Variants in WDR41 observed in about 807,000 individuals in gnomAD.
WDR41 encodes the protein WD repeat domain 41, also known as WD repeat-containing protein 41.
WDR41 carries 63 observed loss-of-function variants against 69.3 expected under a neutral mutation model. The ratio of observed to expected loss-of-function variants is 0.91; its 90% confidence interval spans 0.74 to 1.12. The LOEUF (loss-of-function observed/expected upper bound fraction) is 1.12, where lower values mean the gene tolerates loss of function less well. Among genes scored for constraint, WDR41 ranks in the 50% most tolerant of loss-of-function variants. WDR41 has a pLI of 0.00. For synonymous variants in WDR41, 185 were observed against 192.1 expected (o/e 0.96, Z 0.31); for missense variants, 543 against 534.5 (o/e 1.02, Z -0.16).
At chr5:77,473,073 T>C (rs1166879509) in intron 2 of WDR41, among the ~76,000 whole-genome samples, 1 of 151,862 alleles carries the variant, frequency 6.6e-6, no homozygotes, top group East Asian at 2.0e-4. Flanking sequence ...CAAAACAGCA[T>C]GATACTGGTA....
intron 6 of WDR41, chr5:77,451,797 AG>A (rs1799637891): frequency 6.4e-6 from 1 of 155,484 alleles, no homozygotes; most frequent in Non-Finnish European, 1.4e-5. Context: ...TCAGCAGCTA[AG>A]AAAGCAGCCT....
intron 1 of WDR41, among the ~76,000 whole-genome samples, chr5:77,565,307 G>A (rs920092143): frequency 3.3e-5 from 5 of 152,132 alleles, no homozygotes; most frequent in African/African-American, 1.2e-4. Flanking sequence ...TTCTAATGGT[G>A]TCCTACTGCC....
chr5:77,510,244 A>G (rs929302387), intron 1 of WDR41, among the ~76,000 whole-genome samples: 14 of 152,188 alleles, frequency 9.2e-5, no homozygotes, highest in Non-Finnish European at 2.1e-4. Flanking sequence ...GCTTGTGCAG[A>G]GAAACTCCCG....
At chr5:77,613,390 A>C (rs1331556698) in intron 1 of WDR41, among the ~76,000 whole-genome samples, 2 of 152,272 alleles carry the variant, frequency 1.3e-5, no homozygotes, top group African/African-American at 4.8e-5. Flanking sequence ...CCTGACTTCA[A>C]ACTATACTAC....
At chr5:77,506,906 G>A (rs1802116993) in intron 1 of WDR41, among the ~76,000 whole-genome samples, 1 of 152,122 alleles carries the variant, frequency 6.6e-6, no homozygotes, top group African/African-American at 2.4e-5. Context: ...AGCTGGGGGA[G>A]GGATAGCATT....
chr5:77,514,390 C>T (rs1802261716), intron 1 of WDR41, among the ~76,000 whole-genome samples: 1 of 152,158 alleles, frequency 6.6e-6, no homozygotes, highest in Non-Finnish European at 1.5e-5. Context: ...ATTAGCAATG[C>T]CTGTCTTAAC....
At position 77,582,389 on chromosome 5, in the gene WDR41, A is replaced by T. The variant is rs146975362; in HGVS notation, c.42+38090T>A. The stretch of plus-strand genomic sequence containing the variant: ...CCGGCTGGAACCATGGAGGGTGTAG[A>T]AGAGAAGAAGAAGGAGGTTCCTGCT... On this transcript the variant is annotated intron_variant, in intron 1 of 5. Coordinates refer to the WDR41 transcript ENST00000509971. 9,406 of 1,610,464 alleles carry T rather than the reference A, an allele frequency of 5.8e-3. 328 individuals are homozygous for T. The African/African-American group carries it at 0.093, about 16-fold the overall frequency.
chr5:77,520,209 G>A (rs1403499074), intron 1 of WDR41, among the ~76,000 whole-genome samples: 1 of 152,172 alleles, frequency 6.6e-6, no homozygotes, highest in Non-Finnish European at 1.5e-5. Flanking sequence ...AACTACAGCT[G>A]TAACTTGAAA....
intron 2 of WDR41, among the ~76,000 whole-genome samples, chr5:77,473,805 G>A (rs1021639927): frequency 6.6e-6 from 1 of 152,214 alleles, no homozygotes; most frequent in African/African-American, 2.4e-5. Flanking sequence ...ACAGATGCTG[G>A]AGAGGATGTG....
chr5:77,549,154 G>A (rs1170701228), intron 1 of WDR41, among the ~76,000 whole-genome samples: 1 of 152,028 alleles, frequency 6.6e-6, no homozygotes, highest in South Asian at 2.1e-4. Context: ...AGGGGGTGAA[G>A]GATAAAAGAC....
intron 4 of WDR41, among the ~76,000 whole-genome samples, chr5:77,460,995 G>A (rs1800027420): frequency 6.6e-6 from 1 of 152,030 alleles, no homozygotes; most frequent in Non-Finnish European, 1.5e-5. Context: ...AAATCACTCA[G>A]CAAAGGAAAT....
chr5:77,582,275 ACT>A lies in WDR41; in HGVS notation c.42+38202_42+38203del, dbSNP rs1391291736. On this transcript the variant is annotated intron_variant, in intron 1 of 5. Transcript: ENST00000509971. The stretch of plus-strand genomic sequence containing the variant: ...AATTCCTAAAAGACACAAATTACCA[ACT>A]CTGGCTCAGCAAGAAAGTAGACAAT... The A allele has an allele frequency of 3.5e-6, 4 of 1,140,274 alleles. No individual in the cohort carries two copies. The African/African-American group carries it at 6.2e-5, about 18-fold the overall frequency. 70.6% of individuals were successfully genotyped at this position (1,140,274 alleles called of 1,614,324 possible).
At chr5:77,522,933 A>T (rs1162998357) in intron 1 of WDR41, among the ~76,000 whole-genome samples, 1 of 152,202 alleles carries the variant, frequency 6.6e-6, no homozygotes, top group Non-Finnish European at 1.5e-5. Flanking sequence ...GGTGCAGAGC[A>T]TTCCTTTGAA....
chr5:77,596,805 C>T (rs141744557), intron 1 of WDR41, among the ~76,000 whole-genome samples: 98 of 152,224 alleles, frequency 6.4e-4, no homozygotes, highest in East Asian at 1.2e-3. Flanking sequence ...AGGTAGATAA[C>T]ATCTTGTCTT....
intron 1 of WDR41, among the ~76,000 whole-genome samples, chr5:77,524,204 C>A (rs1022685738): frequency 2.6e-5 from 4 of 152,126 alleles, no homozygotes; most frequent in African/African-American, 2.4e-5. Context: ...AAAATAGAAT[C>A]GGTAACTTGC....
intron 1 of WDR41, among the ~76,000 whole-genome samples, chr5:77,578,654 A>G (rs1743878240): frequency 6.6e-6 from 1 of 152,136 alleles, no homozygotes; most frequent in Admixed American, 6.5e-5. Context: ...TTGGGAGGCC[A>G]GGAGTTCAAG....
At chr5:77,491,282 CT>C (rs1801772871) in intron 1 of WDR41, 2 of 262,846 alleles carry the variant, frequency 7.6e-6, no homozygotes, top group Non-Finnish European at 1.6e-5. Flanking sequence ...AACAACTCCC[CT>C]TTGACTGTAA....
chr5:77,478,331 C>T (rs1801058703), intron 2 of WDR41, among the ~76,000 whole-genome samples: 2 of 152,064 alleles, frequency 1.3e-5, no homozygotes, highest in African/African-American at 2.4e-5. Flanking sequence ...TTTATGAGGC[C>T]AGCATCATCC....
In WDR41 at chr5:77,438,320, G is replaced by A. The variant is rs1163404784; in HGVS notation, c.924C>T (p.Ser308=). 1.2e-6 allele frequency: 2 copies of A among 1,614,016 alleles called. No individual in the cohort carries two copies. The highest frequency in any genetic ancestry group is 1.7e-5 in the Admixed American group (1 of 60,014). Residue 308 remains serine, a synonymous_variant, in exon 10 of 13, where the codon AGC becomes AGT. Coordinates refer to ENST00000296679, the MANE Select transcript of WDR41 (RefSeq NM_018268.4). The stretch of plus-strand genomic sequence containing the variant: ...AGGCAATCACACGCTTCATTTGAAG[G>A]CTATACACGTATAAACCCCTTCCAA... ...AAVGRGLYVY[S]LQMKRVIACQ...
Sources: allele counts gnomAD v4.1 joint callset (sites outside exome capture counted in the v4.1 genomes callset), GRCh38; gene constraint gnomAD v4.1.1; transcripts MANE v1.5; gene names NCBI Gene and HGNC (gene_info 2026-07-23, HGNC 2026-07-21).